FAM193A: variants seen among roughly 807,000 people sequenced by gnomAD.
FAM193A encodes the protein family with sequence similarity 193 member A.
FAM193A carries 22 observed loss-of-function variants against 126.5 expected under a neutral mutation model. The observed-to-expected ratio is 0.17, with a 90% CI of 0.12 to 0.25. The LOEUF (loss-of-function observed/expected upper bound fraction) is 0.25, where lower values mean the gene tolerates loss of function less well. Ranked by LOEUF, FAM193A falls within the 10% of genes least tolerant of loss-of-function variation. The pLI is 1.00. For synonymous variants in FAM193A, 761 were observed against 646.8 expected (o/e 1.18, Z -2.68); for missense variants, 1,675 against 1,672.8 (o/e 1.00, Z -0.02).
chr4:2,558,196 G>A (rs115332774), intron 1 of FAM193A, among the ~76,000 whole-genome samples: 2 of 151,930 alleles, frequency 1.3e-5, no homozygotes, highest in Non-Finnish European at 1.5e-5. Flanking sequence ...CGCTTGAACC[G>A]GGGAGGAGGT....
At chr4:2,644,436 G>C (rs778795806) in intron 6 of FAM193A, among the ~76,000 whole-genome samples, 5 of 152,160 alleles carry the variant, frequency 3.3e-5, no homozygotes, top group Admixed American at 1.3e-4. Flanking sequence ...GAAGAGCAAG[G>C]CTGGCAGAGA....
Position 2,690,827 on chromosome 4 carries a change from A to G in FAM193A, c.2660A>G (p.Tyr887Cys). ...KKNAAKKKCLYNFQDAFMEAN... is the reference protein window; with the variant it reads ...KKNAAKKKCLCNFQDAFMEAN... ...AATGCTGCAAAAAAGAAATGTTTAT[A>G]CAATTTCCAAGATGCTTTCATGGAA... The change falls in exon 15 of 21, where the codon TAC becomes TGC. Residue 887 changes from tyrosine (Y) to cysteine (C), a missense_variant. Physicochemically the swap from Tyr to Cys is radical, Grantham distance 194 (BLOSUM62 -2). Coordinates refer to ENST00000637812, the MANE Select transcript of FAM193A (RefSeq NM_001366318.2). 6.2e-7 allele frequency: 1 copy of G among 1,614,234 alleles called. No homozygotes were observed. The highest frequency in any genetic ancestry group is 1.1e-5 in the South Asian group (1 of 91,092).
At chr4:2,705,286 A>C (rs1014786801) in intron 19 of FAM193A, among the ~76,000 whole-genome samples, 1 of 152,180 alleles carries the variant, frequency 6.6e-6, no homozygotes, top group African/African-American at 2.4e-5. Flanking sequence ...CCAGTTCATA[A>C]GTTGTCTTTT....
intron 20 of FAM193A, among the ~76,000 whole-genome samples, chr4:2,728,891 C>T (rs984141509): frequency 1.7e-5 from 2 of 115,476 alleles, no homozygotes; most frequent in Non-Finnish European, 3.6e-5. Flanking sequence ...GTTCCACCTC[C>T]AAAACTTTTT....
intron 2 of FAM193A, among the ~76,000 whole-genome samples, chr4:2,597,904 C>CA: frequency 6.6e-6 from 1 of 152,006 alleles, no homozygotes; most frequent in Admixed American, 6.6e-5. Context: ...GGTAACCACT[C>CA]ACCTGAATTT....
Position 2,699,733 on chromosome 4 carries a change from C to T in FAM193A, c.3561C>T (p.His1187=). 5 of 1,613,752 alleles carry T rather than the reference C, an allele frequency of 3.1e-6. No individual in the cohort carries two copies. The highest frequency in any genetic ancestry group is 4.2e-6 in the Non-Finnish European group (5 of 1,179,948). Residue 1187 remains histidine (H), a synonymous_variant, in exon 19 of 21, where the codon CAC becomes CAT. Coordinates refer to ENST00000637812, the MANE Select transcript of FAM193A (RefSeq NM_001366318.2). ...EAEARAREHL[H]LQEEQRRREE... is the part of the protein sequence containing the mutation. ...AGGCCAGGGCCCGGGAGCACCTGCA[C>T]CTCCAGGAGGAGCAGAGGCGGCGGG...
chr4:2,638,744 C>A (rs1744330632), intron 5 of FAM193A, among the ~76,000 whole-genome samples: 1 of 152,148 alleles, frequency 6.6e-6, no homozygotes, highest in Non-Finnish European at 1.5e-5. Context: ...ATAATTTGTT[C>A]TCTCAGCCCC....
chr4:2,703,801 T>TA (rs34569439), intron 19 of FAM193A, among the ~76,000 whole-genome samples: 2,942 of 129,062 alleles, frequency 0.023, 67 homozygotes, highest in African/African-American at 0.058. Context: ...CCATCTCTAC[T>TA]AAAAAAAAAA....
rs143834038 is a variant in FAM193A at position 2,581,710 on chromosome 4, G to A, written c.256-14374G>A. Among the ~76,000 whole-genome samples the A allele has an allele frequency of 4.3e-3, 659 of 152,122 alleles. 1 individual carries two copies. The highest frequency in any genetic ancestry group is 0.015 in the African/African-American group (635 of 41,494). On this transcript the variant is annotated intron_variant, in intron 1 of 20. Transcript: ENST00000637812. The stretch of plus-strand genomic sequence containing the variant: ...TTGCTCCAGCCCGGGCTGGAGTGCA[G>A]TGGCGTGATCTAGGCTCACTGCAGG...
rs1745196612 is a variant in FAM193A, at chr4:2,646,837, G to C, written c.1311+5G>C. On this transcript the variant is annotated splice_donor_5th_base_variant and intron_variant, in intron 7 of 20. Transcript: ENST00000637812. ...GACGCCTATGTCGACGAGCAGGTGA[G>C]TGCCACCCGGGACCACCGCACCCCG... 1 of 1,609,730 alleles carries C rather than the reference G, an allele frequency of 6.2e-7. No homozygotes were observed. Among genetic ancestry groups the C allele is most frequent in the Non-Finnish European group, 8.5e-7 (1 of 1,178,134 alleles).
At position 2,659,899 on chromosome 4, in the gene FAM193A, G is replaced by T. The variant is rs750517238; in HGVS notation, c.1590G>T (p.Gln530His). 6.2e-7 allele frequency: 1 copy of T among 1,614,112 alleles called. No homozygotes were observed. ...TCACTGATGACATCCACATTCACCA[G>T]CTCCCACTTCAAGTGGATCCTGCTC... ...PPVTDDIHIH[Q>H]LPLQVDPAPD... The change falls in exon 10 of 21, where the codon CAG (glutamine) becomes CAT (histidine). Residue 530 changes from glutamine to histidine, a missense_variant. Coordinates refer to ENST00000637812, the MANE Select transcript of FAM193A (RefSeq NM_001366318.2).
At chr4:2,580,635 T>G (rs1739864639) in intron 1 of FAM193A, among the ~76,000 whole-genome samples, 1 of 152,188 alleles carries the variant, frequency 6.6e-6, no homozygotes. Flanking sequence ...ACTTGAAATC[T>G]GGTTGTTAAA....
At chr4:2,544,198 A>G (rs1737411712) in intron 1 of FAM193A, among the ~76,000 whole-genome samples, 1 of 152,220 alleles carries the variant, frequency 6.6e-6, no homozygotes, top group East Asian at 1.9e-4. Flanking sequence ...GAAATGGTGT[A>G]CCTGCAGAGA....
intron 14 of FAM193A, 30 bp from the exon 15 acceptor site, chr4:2,690,667 GA>G (rs1374405431): frequency 6.9e-6 from 11 of 1,587,346 alleles, no homozygotes; most frequent in Non-Finnish European, 8.6e-6. Flanking sequence ...ATTGCTGTCA[GA>G]AGCCTTAATT....
At chr4:2,673,208 C>T (rs757118931) in intron 13 of FAM193A, among the ~76,000 whole-genome samples, 9 of 152,108 alleles carry the variant, frequency 5.9e-5, no homozygotes, top group Non-Finnish European at 1.2e-4. Context: ...TAGCTCTAAT[C>T]AGTCAAAAAT....
intron 7 of FAM193A, among the ~76,000 whole-genome samples, chr4:2,650,582 G>T (rs1405728206): frequency 2.0e-5 from 3 of 152,188 alleles, no homozygotes; most frequent in African/African-American, 7.2e-5. Context: ...AGGCTGCTGT[G>T]CAGGGCGGGG....
chr4:2,542,183 T>G (rs184731208), intron 1 of FAM193A, among the ~76,000 whole-genome samples: 10 of 152,220 alleles, frequency 6.6e-5, no homozygotes, highest in Admixed American at 5.9e-4. Context: ...ACTTGGGTAA[T>G]TTTTGTATTT....
chr4:2,558,758 C>A (rs148955937), intron 1 of FAM193A, among the ~76,000 whole-genome samples: 9 of 152,236 alleles, frequency 5.9e-5, no homozygotes, highest in Middle Eastern at 6.8e-3. Context: ...CCCAGCACTT[C>A]GTGAGGCCGA....
At chr4:2,595,919 G>A (rs978532303) in intron 1 of FAM193A, among the ~76,000 whole-genome samples, 165 bp from the exon 2 acceptor site, 6 of 152,220 alleles carry the variant, frequency 3.9e-5, no homozygotes, top group African/African-American at 1.4e-4. Context: ...AAAGTATTAC[G>A]AGTTTCTAGA....
Sources: allele counts gnomAD v4.1 joint callset (sites outside exome capture counted in the v4.1 genomes callset), GRCh38; gene constraint gnomAD v4.1.1; transcripts MANE v1.5; gene names NCBI Gene and HGNC (gene_info 2026-07-23, HGNC 2026-07-21).